The following PARD3B variants were observed in gnomAD, a reference collection of about 807,000 sequenced individuals.
The protein encoded by PARD3B is par-3 family cell polarity regulator beta.
In PARD3B, 103 loss-of-function variants were observed where a neutral mutation model predicts 130.2. The observed-to-expected ratio is 0.79, with a 90% CI of 0.67 to 0.93. PARD3B has a LOEUF of 0.93. Ranked by LOEUF, PARD3B falls within the 40% of genes least tolerant of loss-of-function variation. The pLI is 0.00. For synonymous variants in PARD3B, 583 were observed against 553.2 expected (o/e 1.05, Z -0.76); for missense variants, 1,609 against 1,499.2 (o/e 1.07, Z -1.21).
intron 21 of PARD3B, among the ~76,000 whole-genome samples, chr2:205,501,808 G>T (rs1015142213): frequency 1.3e-5 from 2 of 152,132 alleles, no homozygotes; most frequent in Admixed American, 1.3e-4. Flanking sequence ...CCAAACCTGA[G>T]CTAGATAACT....
rs946240874 is a variant in PARD3B, at chr2:205,015,959, A to G, written c.395-31622A>G. On this transcript the variant is annotated intron_variant, in intron 3 of 22. Coordinates refer to ENST00000406610, the MANE Select transcript of PARD3B (RefSeq NM_001302769.2). This position sits in a 1 kb window ranked among gnomAD's most constrained non-coding sequence, Gnocchi z 4.5. ...ACTCCACCTGAGGCCACCACTCCCA[A>G]CAGTTACACTGAAGTTGATTTGCCT... is the stretch of plus-strand genomic sequence containing the variant. Among the ~76,000 whole-genome samples the G allele has an allele frequency of 6.6e-6, 1 of 152,098 alleles. No individual in the cohort carries two copies. Among genetic ancestry groups the G allele is most frequent in the Non-Finnish European group, 1.5e-5 (1 of 68,020 alleles).
At chr2:204,693,203 C>T (rs1201758154) in intron 2 of PARD3B, among the ~76,000 whole-genome samples, 2 of 151,918 alleles carry the variant, frequency 1.3e-5, no homozygotes, top group Non-Finnish European at 2.9e-5. Context: ...TTCCTTTATC[C>T]TTTCCCATAT....
intron 18 of PARD3B, among the ~76,000 whole-genome samples, chr2:205,304,006 A>G (rs568316673): frequency 2.7e-4 from 41 of 152,148 alleles, no homozygotes; most frequent in Non-Finnish European, 2.8e-4. Context: ...CTCTTATGAA[A>G]CCCTTAGGAG....
chr2:204,808,376 G>C (rs1036716363), intron 2 of PARD3B, among the ~76,000 whole-genome samples: 1 of 151,976 alleles, frequency 6.6e-6, no homozygotes, highest in Non-Finnish European at 1.5e-5. Flanking sequence ...TACACATACA[G>C]GTTTATTACA....
intron 1 of PARD3B, among the ~76,000 whole-genome samples, chr2:204,643,947 C>G (rs2035183397): frequency 6.6e-6 from 1 of 152,160 alleles, no homozygotes; most frequent in Non-Finnish European, 1.5e-5. Flanking sequence ...GCCCACTGTC[C>G]AGTATTTCAT....
chr2:205,092,489 C>T (rs2125542762), intron 4 of PARD3B, among the ~76,000 whole-genome samples: 1 of 152,152 alleles, frequency 6.6e-6, no homozygotes, highest in Admixed American at 6.5e-5. Flanking sequence ...ATCCTAGGAA[C>T]AGAGGAGGAG....
chr2:204,901,746 A>G (rs1405217613), intron 2 of PARD3B, among the ~76,000 whole-genome samples: 1 of 151,988 alleles, frequency 6.6e-6, no homozygotes. Flanking sequence ...CTCAAGGGCC[A>G]CAGTGAGAAC....
Position 205,434,424 on chromosome 2 carries a change from G to A in PARD3B, c.2742-5946G>A, listed in dbSNP as rs370041099. On this transcript the variant is annotated intron_variant, in intron 19 of 22. Transcript: ENST00000406610. ...CCAAATATTAGCAGGAAGAACACTC[G>A]TGACGCATTCAAGGAGCCCGTAATC... 3.3e-5 allele frequency among the ~76,000 whole-genome samples: 5 copies of A among 152,252 alleles called. No individual in the cohort carries two copies. The East Asian group carries it at 7.7e-4, about 23-fold the overall frequency.
rs922078250 is a variant in PARD3B at position 205,352,657 on chromosome 2, T to C, written c.2631-48356T>C. Among the ~76,000 whole-genome samples, 2 of 152,122 alleles carry C rather than the reference T, an allele frequency of 1.3e-5. No individual in the cohort carries two copies. The highest frequency in any genetic ancestry group is 6.5e-5 in the Admixed American group (1 of 15,278). ...AATGAAGCTCTTTTGATGTGAGGTG[T>C]TGGAGATAAACAGGTAGTATCAGGC... On this transcript the variant is annotated intron_variant, in intron 18 of 22. Transcript: ENST00000406610. This position sits in a 1 kb window ranked among gnomAD's most constrained non-coding sequence, Gnocchi z 5.2.
intron 2 of PARD3B, among the ~76,000 whole-genome samples, chr2:204,687,677 C>A (rs112291085): frequency 2.7e-3 from 416 of 152,190 alleles, no homozygotes; most frequent in African/African-American, 9.2e-3. Flanking sequence ...CCTTCAGAAC[C>A]CTGAAGAAGG....
chr2:204,922,193 A>T (rs2047706945), intron 2 of PARD3B, among the ~76,000 whole-genome samples: 1 of 152,128 alleles, frequency 6.6e-6, no homozygotes, highest in Non-Finnish European at 1.5e-5. Context: ...TTATGCAATA[A>T]ATAATAGAAA....
intron 16 of PARD3B, among the ~76,000 whole-genome samples, chr2:205,246,370 G>A (rs1236507094): frequency 6.6e-6 from 1 of 151,928 alleles, no homozygotes; most frequent in Non-Finnish European, 1.5e-5. Context: ...GATCTCTTAG[G>A]TCTTTATCAT....
chr2:205,088,391 T>C lies in PARD3B; in HGVS notation c.505-16035T>C, dbSNP rs377603764. On this transcript the variant is annotated intron_variant, in intron 4 of 22. Transcript: ENST00000406610. ...TCAATCCAAGTGGACAGAAAGAAAA[T>C]AAATAGATTGTTATATTTCTTTTTT... 3.9e-5 allele frequency among the ~76,000 whole-genome samples: 6 copies of C among 152,224 alleles called. 1 individual carries two copies. The highest frequency in any genetic ancestry group is 1.4e-4 in the African/African-American group (6 of 41,528).
At chr2:205,141,266 C>T (rs6707548) in intron 10 of PARD3B, among the ~76,000 whole-genome samples, 4,681 of 151,674 alleles carry the variant, frequency 0.031, 233 homozygotes, top group African/African-American at 0.11. Flanking sequence ...TTCCCAATTC[C>T]GTTATTTAAG....
chr2:204,733,012 A>G (rs1285381465), intron 2 of PARD3B, among the ~76,000 whole-genome samples: 2 of 152,026 alleles, frequency 1.3e-5, no homozygotes, highest in Non-Finnish European at 2.9e-5. Flanking sequence ...TACTTGATAA[A>G]GGGATTCACA....
intron 2 of PARD3B, among the ~76,000 whole-genome samples, chr2:204,833,569 C>T (rs190497252): frequency 1.3e-5 from 2 of 152,218 alleles, no homozygotes; most frequent in Non-Finnish European, 2.9e-5. Flanking sequence ...GTAGTTGAAT[C>T]ATGGGTGTGG....
At chr2:204,928,514 A>G (rs1687799404) in intron 2 of PARD3B, among the ~76,000 whole-genome samples, 1 of 152,100 alleles carries the variant, frequency 6.6e-6, no homozygotes, top group Admixed American at 6.6e-5. Flanking sequence ...TATGCCTAAA[A>G]CTCTGAAATA....
intron 2 of PARD3B, among the ~76,000 whole-genome samples, chr2:204,935,144 TAC>T (rs1688319847): frequency 8.2e-6 from 1 of 121,806 alleles, no homozygotes; most frequent in Non-Finnish European, 1.9e-5. Flanking sequence ...TTGTTTTCCC[TAC>T]TTTTTTTTTT....
intron 19 of PARD3B, among the ~76,000 whole-genome samples, chr2:205,430,778 T>C (rs1367274354): frequency 6.6e-6 from 1 of 152,176 alleles, no homozygotes; most frequent in Non-Finnish European, 1.5e-5. Context: ...AAGAGTACAG[T>C]TCAGTACATT....
Sources: allele counts gnomAD v4.1 joint callset (sites outside exome capture counted in the v4.1 genomes callset), GRCh38; gene constraint gnomAD v4.1.1; non-coding constraint Gnocchi (gnomAD v3.1); transcripts MANE v1.5; gene names NCBI Gene and HGNC (gene_info 2026-07-23, HGNC 2026-07-21).